AMMECR1L: variants seen among roughly 807,000 people sequenced by gnomAD.
AMMECR1L encodes AMMECR1-like protein.
Under a neutral mutation model 36.8 loss-of-function variants are expected in AMMECR1L, and 4 were observed. The ratio of observed to expected loss-of-function variants is 0.11; its 90% CI spans 0.05 to 0.25. AMMECR1L has a LOEUF of 0.25. AMMECR1L is among the 10% of genes least tolerant of loss of function. The pLI, the probability that AMMECR1L is intolerant of heterozygous loss-of-function variation, is 1.00. For missense variants in AMMECR1L, 232 were observed against 392.1 expected, an observed-to-expected ratio of 0.59 and a Z score of 3.45; for synonymous variants, 147 against 148.0, an observed-to-expected ratio of 0.99 and a Z score of 0.05.
In AMMECR1L at chr2:127,874,342, T is replaced by G. The variant is rs13418973; in HGVS notation, c.-38-70A>C. The G allele has an allele frequency of 0.032, 44,655 of 1,416,240 alleles. 4,822 individuals carry two copies. The highest frequency in any genetic ancestry group is 0.31 in the African/African-American group (21,735 of 69,202). 87.7% of individuals were successfully genotyped at this position (1,416,240 alleles called of 1,614,324 possible). A position where few individuals can be genotyped will look rare whatever the true frequency, so the allele number is the denominator to read the frequency against. On this transcript the variant is annotated intron_variant, in intron 2 of 7. Transcript: ENST00000272647. The surrounding 1 kb of genome is among the most constrained non-coding windows in gnomAD (Gnocchi z 5.2). Reference sequence around the variant, plus strand: ...AAAGGAGAGGAAAAAACATCAAAGATAGAGAGTCTGCATTGACCAGCTAAG... The same window carrying G: ...AAAGGAGAGGAAAAAACATCAAAGAGAGAGAGTCTGCATTGACCAGCTAAG...
chr2:127,871,312 C>A lies in AMMECR1L; in HGVS notation c.455G>T (p.Gly152Val). The change falls in exon 4 of 8, where the codon GGC (glycine) becomes GTC (valine). Residue 152 changes from glycine (G) to valine (V), a missense_variant. Gly to Val is a moderately radical substitution (Grantham distance 109, BLOSUM62 -3). Transcript: ENST00000272647. The surrounding 1 kb of genome is among the most constrained non-coding windows in gnomAD (Gnocchi z 4.3). ...CATGGCTGAGAAGGTCCCAATGCAG[C>A]CACGAAGCCGCTTGTCCCGCCCTGT... ...WKTGRDKRLR[G>V]CIGTFSAMNL... is the part of the protein sequence containing the mutation. 6.2e-7 allele frequency: 1 copy of A among 1,614,108 alleles called. No homozygotes were observed. Among genetic ancestry groups the A allele is most frequent in the Non-Finnish European group, 8.5e-7 (1 of 1,180,044 alleles).
intron 3 of AMMECR1L, among the ~76,000 whole-genome samples, chr2:127,872,504 CCTCTTAGATTGA>C (rs1691027838): frequency 6.6e-6 from 1 of 152,176 alleles, no homozygotes; most frequent in Non-Finnish European, 1.5e-5. Flanking sequence ...AATGTCCTTA[CCTCTTAGATTGA>C]GTTAATCATT....
At chr2:127,878,672 G>A (rs966097416) in intron 2 of AMMECR1L, among the ~76,000 whole-genome samples, 1 of 152,106 alleles carries the variant, frequency 6.6e-6, no homozygotes, top group Non-Finnish European at 1.5e-5. Flanking sequence ...ATCCGCAGTG[G>A]GTCATAATCA....
At chr2:127,866,879 G>A in intron 7 of AMMECR1L, 21 bp downstream of exon 7, 1 of 1,607,428 alleles carries the variant, frequency 6.2e-7, no homozygotes, top group South Asian at 1.1e-5. Context: ...AAATGATAAG[G>A]AAAACAAGAC....
chr2:127,882,401 G>A (rs1691542746), intron 2 of AMMECR1L, among the ~76,000 whole-genome samples: 1 of 152,166 alleles, frequency 6.6e-6, no homozygotes, highest in African/African-American at 2.4e-5. Context: ...TACATTATGG[G>A]TACTGAAATG....
chr2:127,867,127 G>A (rs1208317555), intron 6 of AMMECR1L, 131 bp from the exon 7 acceptor site: 4 of 1,497,282 alleles, frequency 2.7e-6, no homozygotes, highest in East Asian at 2.4e-5. Context: ...GAAGCCCTGG[G>A]CACTGACCCC....
At chr2:127,868,960 T>C (rs772315567) in intron 6 of AMMECR1L, among the ~76,000 whole-genome samples, 1 of 152,178 alleles carries the variant, frequency 6.6e-6, no homozygotes, top group Non-Finnish European at 1.5e-5. Context: ...CTTGACCTTG[T>C]GATCCGCCCA....
rs545159049 is a variant in AMMECR1L at position 127,874,839 on chromosome 2, C to T, written c.-38-567G>A. Among the ~76,000 whole-genome samples, 1 of 152,336 alleles carries T rather than the reference C, an allele frequency of 6.6e-6. No homozygotes were observed. Among genetic ancestry groups the T allele is most frequent in the East Asian group, 1.9e-4 (1 of 5,188 alleles). On this transcript the variant is annotated intron_variant, in intron 2 of 7. Transcript: ENST00000272647. The surrounding 1 kb of genome is among the most constrained non-coding windows in gnomAD (Gnocchi z 5.2). The stretch of plus-strand genomic sequence containing the variant: ...TCTGAAGAGGGCACATCTTCTAACA[C>T]AAGGCTCCCACCTTTCTGTCTCTGC...
At chr2:127,875,652 C>T (rs1383702527) in intron 2 of AMMECR1L, among the ~76,000 whole-genome samples, 1 of 152,066 alleles carries the variant, frequency 6.6e-6, no homozygotes, top group East Asian at 1.9e-4. Flanking sequence ...TATGCTGATC[C>T]ATAACAAAAT....
intron 3 of AMMECR1L, among the ~76,000 whole-genome samples, chr2:127,872,285 A>G (rs1691013387): frequency 6.6e-6 from 1 of 151,336 alleles, no homozygotes; most frequent in Admixed American, 6.6e-5. Flanking sequence ...CGATCCTCCC[A>G]CCTCAGCCTC....
In AMMECR1L at chr2:127,869,236, G is replaced by A. The variant is rs1292667201; in HGVS notation, c.724+218C>T. ...AAAAGAAGTGTTTGAAATATCAGGCGAGTAAGTGAACGATTTACCCTTTTG... is the reference window on the plus strand; with the variant it reads ...AAAAGAAGTGTTTGAAATATCAGGCAAGTAAGTGAACGATTTACCCTTTTG... On this transcript the variant is annotated intron_variant, in intron 6 of 7. Coordinates refer to ENST00000272647, the MANE Select transcript of AMMECR1L (RefSeq NM_001199140.2). This position sits in a 1 kb window ranked among gnomAD's most constrained non-coding sequence, Gnocchi z 4.7. Among the ~76,000 whole-genome samples the A allele has an allele frequency of 2.0e-5, 3 of 152,166 alleles. No individual in the cohort carries two copies. Among genetic ancestry groups the A allele is most frequent in the Admixed American group, 1.3e-4 (2 of 15,274 alleles).
Position 127,873,167 on chromosome 2 carries a change from G to T in AMMECR1L, c.407+661C>A, listed in dbSNP as rs772473852. The T allele has an allele frequency of 9.1e-6, 9 of 985,462 alleles. No homozygotes were observed. The highest frequency in any genetic ancestry group is 1.1e-5 in the Non-Finnish European group (9 of 829,938). The allele number at this position is 985,462 out of a possible 1,614,324, so 61.0% of individuals were successfully genotyped here. A position where few individuals can be genotyped will look rare whatever the true frequency, so the allele number is the denominator to read the frequency against. On this transcript the variant is annotated intron_variant, in intron 3 of 7. Coordinates refer to ENST00000272647, the MANE Select transcript of AMMECR1L (RefSeq NM_001199140.2). This position sits in a 1 kb window ranked among gnomAD's most constrained non-coding sequence, Gnocchi z 5.2. ...AAAACAGCAATGCTCTTCAAAGCCAGCTCAGAGCGGCTTCCAATTCTGAGG... is the reference window on the plus strand; with the variant it reads ...AAAACAGCAATGCTCTTCAAAGCCATCTCAGAGCGGCTTCCAATTCTGAGG...
At chr2:127,885,495 T>C (rs1254564858) in intron 1 of AMMECR1L, 3 of 983,488 alleles carry the variant, frequency 3.1e-6, no homozygotes, top group Admixed American at 6.2e-5. Context: ...GCGAGCCTGC[T>C]TCCTGGAGGG....
At chr2:127,878,574 C>A (rs1357958731) in intron 2 of AMMECR1L, among the ~76,000 whole-genome samples, 1 of 152,226 alleles carries the variant, frequency 6.6e-6, no homozygotes, top group Non-Finnish European at 1.5e-5. Context: ...CACTCCATCA[C>A]AGAGCAACAG....
chr2:127,884,742 CG>C (rs1459591754), intron 1 of AMMECR1L: 1 of 152,254 alleles, frequency 6.6e-6, no homozygotes, highest in Non-Finnish European at 1.5e-5. Flanking sequence ...CTGGACAGCA[CG>C]CCAGAGGCAG....
intron 7 of AMMECR1L, among the ~76,000 whole-genome samples, chr2:127,866,401 T>C (rs1690685076): frequency 6.6e-6 from 1 of 152,250 alleles, no homozygotes; most frequent in South Asian, 2.1e-4. Context: ...CATGTTGAGC[T>C]GGGATTCCAA....
rs1197345627 is a variant in AMMECR1L, at chr2:127,862,785, A to G, written c.*2309T>C. 7.1e-6 allele frequency: 1 copy of G among 141,740 alleles called. No individual in the cohort carries two copies. Among genetic ancestry groups the G allele is most frequent in the African/African-American group, 2.5e-5 (1 of 40,308 alleles). The allele number at this position is 141,740 out of a possible 1,614,324, so 8.8% of individuals were successfully genotyped here. A position where few individuals can be genotyped will look rare whatever the true frequency, so the allele number is the denominator to read the frequency against. On this transcript the variant is annotated 3_prime_UTR_variant, in exon 8 of 8. Transcript: ENST00000272647. ...GGCCTAACCAGCCCAATTCTTGTGC[A>G]CTGATTTTTTTTTCCCCATTTCTCG...
chr2:127,879,075 C>T (rs538565104), intron 2 of AMMECR1L, among the ~76,000 whole-genome samples: 1 of 152,284 alleles, frequency 6.6e-6, no homozygotes, highest in Admixed American at 6.5e-5. Flanking sequence ...ACCTCCCATC[C>T]CTCTATGGAA....
At chr2:127,872,670 T>C (rs1691039860) in intron 3 of AMMECR1L, among the ~76,000 whole-genome samples, 1 of 152,176 alleles carries the variant, frequency 6.6e-6, no homozygotes, top group Admixed American at 6.5e-5. Flanking sequence ...CAAAGCCTAC[T>C]GAAAAATCCT....
Sources: allele counts gnomAD v4.1 joint callset (sites outside exome capture counted in the v4.1 genomes callset), GRCh38; gene constraint gnomAD v4.1.1; non-coding constraint Gnocchi (gnomAD v3.1); transcripts MANE v1.5; gene names NCBI Gene and HGNC (gene_info 2026-07-23, HGNC 2026-07-21).